The following SHISA9 variants were observed in gnomAD, a reference collection of about 807,000 sequenced individuals.
SHISA9 encodes the protein shisa family member 9.
Under a neutral mutation model 38.0 loss-of-function variants are expected in SHISA9, and 13 were observed. The observed-to-expected ratio is 0.34, with a 90% confidence interval of 0.22 to 0.54. The LOEUF is 0.54. Ranked by LOEUF, SHISA9 falls within the 20% of genes least tolerant of loss-of-function variation. The pLI is 0.91. For missense variants in SHISA9, 538 were observed against 575.8 expected (o/e 0.93, Z 0.67); for synonymous variants, 275 against 242.0 (o/e 1.14, Z -1.27).
chr16:13,153,899 C>T (rs1225262884), intron 2 of SHISA9, among the ~76,000 whole-genome samples: 1 of 143,438 alleles, frequency 7.0e-6, no homozygotes, highest in East Asian at 2.1e-4. Flanking sequence ...GGTTCACCAA[C>T]AAGCACGTGG....
intron 2 of SHISA9, among the ~76,000 whole-genome samples, chr16:13,098,420 C>T (rs559721874): frequency 2.0e-5 from 3 of 152,138 alleles, no homozygotes; most frequent in Non-Finnish European, 4.4e-5. Context: ...TTACCATATA[C>T]CCATTAAGAT....
chr16:12,986,926 G>A (rs192624752), intron 2 of SHISA9, among the ~76,000 whole-genome samples: 1 of 152,302 alleles, frequency 6.6e-6, no homozygotes, highest in African/African-American at 2.4e-5. Context: ...ACCATGACAG[G>A]GTACTTCTTC....
At chr16:13,354,604 T>C in the SHISA9 span, among the ~76,000 whole-genome samples, 2 of 148,086 alleles carry the variant, frequency 1.4e-5, no homozygotes, top group African/African-American at 2.5e-5. Context: ...GAGTTGAGCA[T>C]AGTTTGTGAT....
intron 2 of SHISA9, among the ~76,000 whole-genome samples, chr16:13,048,497 C>G (rs935133419): frequency 6.6e-6 from 1 of 152,182 alleles, no homozygotes; most frequent in South Asian, 2.1e-4. Flanking sequence ...TCTCTGTTCA[C>G]TGCAACCTCC....
chr16:13,535,633 C>A, the SHISA9 span, among the ~76,000 whole-genome samples: 1 of 152,160 alleles, frequency 6.6e-6, no homozygotes, highest in Admixed American at 6.5e-5. Context: ...CTGTTTGGCT[C>A]CTTGCAAAAA....
the SHISA9 span, among the ~76,000 whole-genome samples, chr16:13,361,752 C>T: frequency 1.3e-5 from 2 of 152,192 alleles, no homozygotes; most frequent in Admixed American, 1.3e-4. Context: ...CTCCACTCTC[C>T]TTCTCAGAGA....
At chr16:12,970,396 T>A (rs1596556313) in intron 2 of SHISA9, among the ~76,000 whole-genome samples, 1 of 5,294 alleles carries the variant, frequency 1.9e-4, no homozygotes. Context: ...TATGTATATA[T>A]ATATATACAT....
At chr16:13,250,372 A>T in the SHISA9 span, among the ~76,000 whole-genome samples, 14 of 152,172 alleles carry the variant, frequency 9.2e-5, no homozygotes, top group Non-Finnish European at 1.6e-4. Flanking sequence ...GATTAATTGC[A>T]TTGGGGGGAG....
chr16:12,974,683 A>T (rs995488183), intron 2 of SHISA9, among the ~76,000 whole-genome samples: 2 of 151,898 alleles, frequency 1.3e-5, no homozygotes, highest in African/African-American at 4.8e-5. Context: ...GGGTTTTGCC[A>T]TGTTGACCAG....
At chr16:13,037,906 T>C (rs866802277) in intron 2 of SHISA9, among the ~76,000 whole-genome samples, 17 of 152,358 alleles carry the variant, frequency 1.1e-4, no homozygotes, top group Admixed American at 9.8e-4. Context: ...TCCTTGCTTT[T>C]GTCCAACCTT....
intron 2 of SHISA9, among the ~76,000 whole-genome samples, chr16:13,009,896 G>A (rs2072648803): frequency 6.6e-6 from 1 of 152,168 alleles, no homozygotes; most frequent in Admixed American, 6.6e-5. Context: ...AACATAGAAG[G>A]CCAGGCATAG....
intron 2 of SHISA9, among the ~76,000 whole-genome samples, chr16:13,047,269 C>A (rs908389450): frequency 6.6e-6 from 1 of 151,846 alleles, no homozygotes; most frequent in Non-Finnish European, 1.5e-5. Flanking sequence ...AAGAAGGGAG[C>A]CAGCTCACTC....
the SHISA9 span, among the ~76,000 whole-genome samples, chr16:13,548,486 A>G: frequency 3.9e-5 from 6 of 152,372 alleles, no homozygotes. Flanking sequence ...TCCAGAACAT[A>G]TAAGGAACTC....
chr16:13,232,178 A>G (rs192856370), intron 4 of SHISA9, among the ~76,000 whole-genome samples: 16 of 152,356 alleles, frequency 1.1e-4, no homozygotes, highest in South Asian at 4.1e-4. Flanking sequence ...TGAGATCCCA[A>G]CGTGTGGATA....
At chr16:13,195,488 A>G (rs2050928791) in intron 2 of SHISA9, among the ~76,000 whole-genome samples, 1 of 152,232 alleles carries the variant, frequency 6.6e-6, no homozygotes, top group Admixed American at 6.5e-5. Flanking sequence ...ATAATTCCAA[A>G]TAGTTTATGT....
At chr16:13,410,974 T>G in the SHISA9 span, among the ~76,000 whole-genome samples, 1 of 152,058 alleles carries the variant, frequency 6.6e-6, no homozygotes, top group African/African-American at 2.4e-5. Context: ...TTGCTTGGAG[T>G]GTTAAAAAAA....
Position 13,042,644 on chromosome 16 carries a change from T to C in SHISA9, c.691+125829T>C, listed in dbSNP as rs375637613. 4.1e-4 allele frequency among the ~76,000 whole-genome samples: 62 copies of C among 152,354 alleles called. 2 individuals carry two copies. The South Asian group carries it at 0.012, about 31-fold the overall frequency. ...TGGTGTCTAGAATGTTTGTGGGTACTAAAATGAAGTTTTGTATTTCAGATA... is the reference window on the plus strand; with the variant it reads ...TGGTGTCTAGAATGTTTGTGGGTACCAAAATGAAGTTTTGTATTTCAGATA... On this transcript the variant is annotated intron_variant, in intron 2 of 4. Coordinates refer to ENST00000558583, the MANE Select transcript of SHISA9 (RefSeq NM_001145204.3).
At chr16:12,978,984 G>T (rs1294018562) in intron 2 of SHISA9, among the ~76,000 whole-genome samples, 1 of 152,202 alleles carries the variant, frequency 6.6e-6, no homozygotes, top group Non-Finnish European at 1.5e-5. Context: ...GACATGAAAT[G>T]GCTCATGATC....
chr16:13,196,408 AAAG>A (rs1436919535), intron 2 of SHISA9, among the ~76,000 whole-genome samples: 17 of 138,592 alleles, frequency 1.2e-4, no homozygotes, highest in African/African-American at 3.4e-5. Context: ...AAAAAAAAAA[AAAG>A]AAAGAAAAAA....
Sources: allele counts gnomAD v4.1 joint callset (sites outside exome capture counted in the v4.1 genomes callset), GRCh38; gene constraint gnomAD v4.1.1; transcripts MANE v1.5; gene names NCBI Gene and HGNC (gene_info 2026-07-23, HGNC 2026-07-21).